NMT2: variants seen among roughly 807,000 people sequenced by gnomAD.
NMT2 encodes the protein glycylpeptide N-tetradecanoyltransferase 2.
Under a neutral mutation model 65.4 loss-of-function variants are expected in NMT2, and 35 were observed. The observed-to-expected ratio is 0.54, with a 90% CI of 0.41 to 0.71. The LOEUF (loss-of-function observed/expected upper bound fraction) is 0.71. Ranked by LOEUF, NMT2 falls within the 30% of genes least tolerant of loss-of-function variation. The probability of loss-of-function intolerance (pLI) is 0.00; values close to 1 mark genes in which losing one functional copy is unlikely to be tolerated. For missense variants in NMT2, 489 were observed against 611.3 expected, an observed-to-expected ratio of 0.80 and a Z score of 2.11; for synonymous variants, 226 against 231.8, an observed-to-expected ratio of 0.98 and a Z score of 0.23.
Position 15,141,473 on chromosome 10 carries a change from C to T in NMT2, c.195G>A (p.Lys65=), listed in dbSNP as rs900396933. ...KKEKPNSGGT[K]SDSASDSQEI... ...CCTGGGAATCAGATGCCGAGTCTGA[C>T]TTGGTGCCTCCGGAATTTGGTTTCT... The change falls in exon 2 of 12, where the codon AAG becomes AAA. Residue 65 remains lysine (K), a synonymous_variant. Coordinates refer to ENST00000378165, the MANE Select transcript of NMT2 (RefSeq NM_004808.3). 4 of 1,614,240 alleles carry T rather than the reference C, an allele frequency of 2.5e-6. No homozygotes were observed. Among genetic ancestry groups the T allele is most frequent in the South Asian group, 2.2e-5 (2 of 91,088 alleles).
At chr10:15,159,271 G>C (rs1037575630) in intron 1 of NMT2, among the ~76,000 whole-genome samples, 1 of 152,130 alleles carries the variant, frequency 6.6e-6, no homozygotes, top group Non-Finnish European at 1.5e-5. Flanking sequence ...GACAGAAAGG[G>C]AGAGAGGTTA....
intron 8 of NMT2, among the ~76,000 whole-genome samples, chr10:15,126,927 T>C (rs1589309294): frequency 6.6e-6 from 1 of 152,338 alleles, no homozygotes; most frequent in East Asian, 1.9e-4. Flanking sequence ...CATTTATATT[T>C]TTCCCTATTA....
intron 8 of NMT2, among the ~76,000 whole-genome samples, chr10:15,120,230 G>A (rs553775062): frequency 6.2e-4 from 95 of 152,304 alleles, no homozygotes; most frequent in African/African-American, 2.0e-3. Context: ...GGCTGATGCC[G>A]GTGGATCATT....
intron 10 of NMT2, among the ~76,000 whole-genome samples, chr10:15,111,509 C>CA (rs58537120): frequency 0.23 from 12,015 of 51,900 alleles, 1,081 homozygotes; most frequent in African/African-American, 0.28. Flanking sequence ...AGACTCATCT[C>CA]AAAAAAAAAA....
intron 8 of NMT2, among the ~76,000 whole-genome samples, chr10:15,124,910 T>A (rs1189613040): frequency 1.3e-5 from 2 of 152,230 alleles, no homozygotes; most frequent in Non-Finnish European, 2.9e-5. Context: ...ATGAGAACTG[T>A]TTGCATCTTG....
intron 9 of NMT2, among the ~76,000 whole-genome samples, chr10:15,118,471 G>A (rs1845817797): frequency 6.6e-6 from 1 of 152,086 alleles, no homozygotes; most frequent in South Asian, 2.1e-4. Flanking sequence ...CCTGGGAGGT[G>A]GAGTTTGCAG....
At chr10:15,164,535 T>C (rs1375429821) in intron 1 of NMT2, among the ~76,000 whole-genome samples, 4 of 152,194 alleles carry the variant, frequency 2.6e-5, no homozygotes, top group African/African-American at 9.7e-5. Context: ...CAATACCAAA[T>C]GTATTTCATA....
rs1305471506 is a variant in NMT2 at position 15,127,562 on chromosome 10, A to AAT, written c.999+787_999+788insAT. ...ACTCCGTCTCAAAAAAAAAAAAAAA[A>AAT]AAAAAAAATAAATAAATAAATAAAT... On this transcript the variant is annotated intron_variant, in intron 8 of 11. Transcript: ENST00000378165. Among the ~76,000 whole-genome samples the AAT allele has an allele frequency of 3.3e-5, 3 of 90,220 alleles. No homozygotes were observed. The African/African-American group carries it at 3.5e-4, about 11-fold the overall frequency. 59.2% of individuals were successfully genotyped at this position (90,220 alleles called of 152,430 possible). A position where few individuals can be genotyped will look rare whatever the true frequency, so the allele number is the denominator to read the frequency against.
intron 2 of NMT2, among the ~76,000 whole-genome samples, chr10:15,136,394 TA>T (rs923006813): frequency 2.4e-4 from 19 of 80,720 alleles, no homozygotes; most frequent in African/African-American, 4.9e-4. Context: ...GGAAGGAAGG[TA>T]GGGGGGAGAG....
rs7088248 is a variant in NMT2, at chr10:15,106,064, G to A, written c.*3131C>T. 8.1e-6 allele frequency: 3 copies of A among 368,112 alleles called. No homozygotes were observed. The highest frequency in any genetic ancestry group is 1.1e-5 in the Non-Finnish European group (2 of 188,866). The allele number at this position is 368,112 out of a possible 1,614,324, so 22.8% of individuals were successfully genotyped here. Reference sequence around the variant, plus strand: ...GGCTGGAGTGCAGTGGTGTGATCCCGGCTCACTGCAACCCCGCCTCCTGGG... The same window carrying A: ...GGCTGGAGTGCAGTGGTGTGATCCCAGCTCACTGCAACCCCGCCTCCTGGG... On this transcript the variant is annotated 3_prime_UTR_variant, in exon 12 of 12. Transcript: ENST00000378165.
rs1203653097 is a variant in NMT2 at position 15,108,928 on chromosome 10, A to AGGCAAAAATTT, written c.*256_*266dup. The AGGCAAAAATTT allele has an allele frequency of 2.5e-6, 3 of 1,221,628 alleles. No individual in the cohort carries two copies. Among genetic ancestry groups the AGGCAAAAATTT allele is most frequent in the Admixed American group, 4.8e-5 (1 of 21,052 alleles). 75.7% of individuals were successfully genotyped at this position (1,221,628 alleles called of 1,614,324 possible). ...GTGAAAAAATACCTCTTCAAGAGAC[A>AGGCAAAAATTT]GGCAAAAATTTGAAAATTACAAGAA... On this transcript the variant is annotated 3_prime_UTR_variant, in exon 12 of 12. Coordinates refer to ENST00000378165, the MANE Select transcript of NMT2 (RefSeq NM_004808.3).
chr10:15,165,707 A>G (rs368588221), intron 1 of NMT2, among the ~76,000 whole-genome samples: 7 of 151,986 alleles, frequency 4.6e-5, no homozygotes, highest in African/African-American at 1.5e-4. Context: ...GTGAAACCCC[A>G]TCTCTACTAA....
chr10:15,134,969 G>C (rs1453708896), intron 3 of NMT2, among the ~76,000 whole-genome samples: 3 of 152,126 alleles, frequency 2.0e-5, no homozygotes, highest in Non-Finnish European at 2.9e-5. Flanking sequence ...CTGGGTGATA[G>C]AGTGAGACCC....
chr10:15,108,171 G>A lies in NMT2; in HGVS notation c.*1024C>T, dbSNP rs950345370. The A allele has an allele frequency of 5.1e-6, 5 of 983,960 alleles. No individual in the cohort carries two copies. The highest frequency in any genetic ancestry group is 3.5e-5 in the African/African-American group (2 of 56,680). The allele number at this position is 983,960 out of a possible 1,614,324, so 61.0% of individuals were successfully genotyped here. A position where few individuals can be genotyped will look rare whatever the true frequency, so the allele number is the denominator to read the frequency against. On this transcript the variant is annotated 3_prime_UTR_variant, in exon 12 of 12. Transcript: ENST00000378165. Reference sequence around the variant, plus strand: ...CAACAGCAGAAAAGTCTAGTTAGTCGCGGGTACAGGCTCTTTCTTTTTTTT... The same window carrying A: ...CAACAGCAGAAAAGTCTAGTTAGTCACGGGTACAGGCTCTTTCTTTTTTTT...
At chr10:15,133,857 G>C (rs141298953) in intron 3 of NMT2, among the ~76,000 whole-genome samples, 2,932 of 152,198 alleles carry the variant, frequency 0.019, 96 homozygotes, top group African/African-American at 0.067. Context: ...CAAAGTGCTG[G>C]GATTGTAGGT....
At chr10:15,122,808 G>A (rs1014799592) in intron 8 of NMT2, among the ~76,000 whole-genome samples, 4 of 152,172 alleles carry the variant, frequency 2.6e-5, no homozygotes, top group African/African-American at 9.6e-5. Flanking sequence ...AATCAAAACT[G>A]AGAACATTTT....
intron 1 of NMT2, among the ~76,000 whole-genome samples, chr10:15,145,636 T>A (rs766970463): frequency 2.6e-5 from 4 of 152,204 alleles, no homozygotes; most frequent in Non-Finnish European, 5.9e-5. Context: ...CGCCTCAGCC[T>A]CCCAAAGTGC....
At chr10:15,157,196 A>G (rs1266552610) in intron 1 of NMT2, among the ~76,000 whole-genome samples, 1 of 152,204 alleles carries the variant, frequency 6.6e-6, no homozygotes, top group Non-Finnish European at 1.5e-5. Flanking sequence ...TCCCCGGGGC[A>G]CTGTGAGTTT....
intron 3 of NMT2, among the ~76,000 whole-genome samples, chr10:15,134,282 G>A (rs952418872): frequency 8.5e-5 from 13 of 152,126 alleles, no homozygotes; most frequent in Non-Finnish European, 1.9e-4. Flanking sequence ...TCTTCCCCAT[G>A]GCTGCTGCCT....
Sources: gnomAD v4.1 joint callset for allele counts (sites outside exome capture counted in the v4.1 genomes callset) on GRCh38, gnomAD v4.1.1 for gene constraint, MANE v1.5 for transcripts, NCBI Gene and HGNC (gene_info 2026-07-23, HGNC 2026-07-21) for gene names.